The following LMTK2 variants were observed in gnomAD, a reference collection of about 807,000 sequenced individuals.
LMTK2 encodes lemur tail kinase 2.
A neutral mutation model predicts 127.5 loss-of-function variants in LMTK2; 37 were observed. The ratio of observed to expected loss-of-function variants is 0.29; its 90% CI spans 0.22 to 0.38. The LOEUF (loss-of-function observed/expected upper bound fraction) is 0.38. Among genes scored for constraint, LMTK2 ranks in the 10% least tolerant of loss-of-function variants. The probability of loss-of-function intolerance (pLI) is 1.00; values close to 1 mark genes in which losing one functional copy is unlikely to be tolerated. For missense variants in LMTK2, 1,694 were observed against 1,920.3 expected, an observed-to-expected ratio of 0.88 and a Z score of 2.20; for synonymous variants, 819 against 810.1, an observed-to-expected ratio of 1.01 and a Z score of -0.19.
intron 11 of LMTK2, 94 bp from the exon 12 acceptor site, chr7:98,203,480 A>G: frequency 6.9e-7 from 1 of 1,449,730 alleles, no homozygotes; most frequent in Non-Finnish European, 9.2e-7. Flanking sequence ...TTCTCAGTCG[A>G]TGAGTCTGAT....
At chr7:98,200,466 C>T (rs867177186) in intron 11 of LMTK2, among the ~76,000 whole-genome samples, 45 of 152,284 alleles carry the variant, frequency 3.0e-4, no homozygotes, top group Middle Eastern at 3.4e-3. Flanking sequence ...ACAGTATTCT[C>T]GGGATGTAGA....
At chr7:98,172,174 A>T (rs2116425855) in intron 7 of LMTK2, among the ~76,000 whole-genome samples, 1 of 152,294 alleles carries the variant, frequency 6.6e-6, no homozygotes. Flanking sequence ...CAGAGGTGTC[A>T]TGGGATCCGA....
chr7:98,144,703 G>A (rs1796744647), intron 3 of LMTK2, among the ~76,000 whole-genome samples: 1 of 150,560 alleles, frequency 6.6e-6, no homozygotes, highest in African/African-American at 2.4e-5. Flanking sequence ...GGTAAGTACA[G>A]ACATATCTAT....
chr7:98,147,653 TCCTTG>T (rs1288881208), intron 3 of LMTK2, among the ~76,000 whole-genome samples: 2 of 152,238 alleles, frequency 1.3e-5, no homozygotes, highest in Admixed American at 1.3e-4. Context: ...TCCCACAAGT[TCCTTG>T]GGCTCTGTTC....
intron 1 of LMTK2, among the ~76,000 whole-genome samples, chr7:98,129,239 C>T (rs1338397351): frequency 6.6e-6 from 1 of 151,936 alleles, no homozygotes; most frequent in Non-Finnish European, 1.5e-5. Flanking sequence ...CTCATGCCAC[C>T]ACGCCCGGCT....
At position 98,191,653 on chromosome 7, in the gene LMTK2, G is replaced by A; in HGVS notation, c.1188G>A (p.Lys396=). Residue 396 remains lysine, a synonymous_variant, in exon 11 of 14, where the codon AAG becomes AAA. Transcript: ENST00000297293. ...AGTTCTGTTGGCTGTCACCAGAAAA[G>A]AGACCCGCGGCTGAAGATGTGCACA... ...VLQFCWLSPE[K]RPAAEDVHRL... is the part of the protein sequence containing the mutation. 1 of 1,612,710 alleles carries A rather than the reference G, an allele frequency of 6.2e-7. No individual in the cohort carries two copies.
intron 11 of LMTK2, among the ~76,000 whole-genome samples, chr7:98,199,626 C>G (rs1797678663): frequency 6.6e-6 from 1 of 152,200 alleles, no homozygotes; most frequent in Non-Finnish European, 1.5e-5. Context: ...CCACAAGTAA[C>G]TGGGACTACG....
intron 1 of LMTK2, among the ~76,000 whole-genome samples, chr7:98,132,131 A>G (rs1032609158): frequency 6.6e-6 from 1 of 152,242 alleles, no homozygotes; most frequent in African/African-American, 2.4e-5. Flanking sequence ...TGGGAGTGTC[A>G]ATCAGAACAA....
At chr7:98,159,871 C>T (rs1045803248) in intron 6 of LMTK2, among the ~76,000 whole-genome samples, 5 of 152,222 alleles carry the variant, frequency 3.3e-5, no homozygotes, top group African/African-American at 9.6e-5. Flanking sequence ...ACTCCTCATC[C>T]GTCAGCATCT....
rs948400924 is a variant in LMTK2 at position 98,194,077 on chromosome 7, G to A, written c.3612G>A (p.Val1204=). The A allele has an allele frequency of 2.5e-6, 4 of 1,614,120 alleles. No homozygotes were observed. Among genetic ancestry groups the A allele is most frequent in the Non-Finnish European group, 3.4e-6 (4 of 1,180,046 alleles). The part of the protein sequence containing the change: ...TEDEASSPWS[V]LNAELSSGDD... ...ACGAGGCCAGCAGTCCCTGGAGTGT[G>A]CTGAATGCAGAACTTAGCAGCGGCG... The change falls in exon 11 of 14, where the codon GTG becomes GTA. Residue 1204 remains valine (V), a synonymous_variant. Transcript: ENST00000297293. This position sits in a 1 kb window ranked among gnomAD's most constrained non-coding sequence, Gnocchi z 5.4.
chr7:98,162,500 G>A (rs1364126489), intron 6 of LMTK2, among the ~76,000 whole-genome samples: 1 of 152,106 alleles, frequency 6.6e-6, no homozygotes. Flanking sequence ...TGAATATTAT[G>A]CATACAGCCT....
chr7:98,121,536 G>A (rs1796361017), intron 1 of LMTK2, among the ~76,000 whole-genome samples: 1 of 151,992 alleles, frequency 6.6e-6, no homozygotes, highest in Non-Finnish European at 1.5e-5. Context: ...GGGAGGCTGA[G>A]GCAGAGGAAT....
intron 11 of LMTK2, among the ~76,000 whole-genome samples, chr7:98,202,047 C>T (rs1043292969): frequency 7.2e-5 from 11 of 152,186 alleles, no homozygotes; most frequent in African/African-American, 2.4e-4. Context: ...CTCCTCTCTT[C>T]CTGGGACTCC....
At chr7:98,131,043 C>A (rs752026927) in intron 1 of LMTK2, among the ~76,000 whole-genome samples, 3 of 152,168 alleles carry the variant, frequency 2.0e-5, no homozygotes, top group Non-Finnish European at 4.4e-5. Context: ...TTCCACCCAG[C>A]CTGAATTAGC....
chr7:98,126,777 A>C (rs1273081992), intron 1 of LMTK2: 3 of 152,234 alleles, frequency 2.0e-5, no homozygotes, highest in Non-Finnish European at 4.4e-5. Flanking sequence ...TAGCACTCAA[A>C]TTATATAACC....
At chr7:98,160,309 A>G (rs1796994499) in intron 6 of LMTK2, among the ~76,000 whole-genome samples, 1 of 152,196 alleles carries the variant, frequency 6.6e-6, no homozygotes, top group South Asian at 2.1e-4. Flanking sequence ...AAGCATCGTG[A>G]TTTTTTGTTT....
At chr7:98,184,310 C>A (rs1313464848) in intron 7 of LMTK2, among the ~76,000 whole-genome samples, 1 of 152,104 alleles carries the variant, frequency 6.6e-6, no homozygotes, top group Non-Finnish European at 1.5e-5. Context: ...ACACCAGTTC[C>A]GAGTGTTTTC....
At chr7:98,184,101 A>G (rs1394004694) in intron 7 of LMTK2, among the ~76,000 whole-genome samples, 1 of 152,150 alleles carries the variant, frequency 6.6e-6, no homozygotes, top group Non-Finnish European at 1.5e-5. Flanking sequence ...CAAGCGGGTG[A>G]CTTGCAAGAT....
rs1797569531 is a variant in LMTK2 at position 98,193,500 on chromosome 7, CT to C, written c.3038del (p.Leu1013Ter). 1.2e-6 allele frequency: 2 copies of C among 1,614,168 alleles called. No homozygotes were observed. Among genetic ancestry groups the C allele is most frequent in the Non-Finnish European group, 8.5e-7 (1 of 1,180,028 alleles). Reference protein sequence around the residue: ...SVDVHEALLDSLGSHTPQKLV... With the variant: ...SVDVHEALLDXLGSHTPQKLV... Reference sequence around the variant, plus strand: ...GATGTCCACGAAGCGCTACTGGACTCTTTAGGATCTCACACTCCCCAGAAAC... The same window carrying C: ...GATGTCCACGAAGCGCTACTGGACTCTTAGGATCTCACACTCCCCAGAAAC... On this transcript the variant is annotated frameshift_variant, in exon 11 of 14. Transcript: ENST00000297293. LOFTEE classifies it high-confidence loss of function. The surrounding 1 kb of genome is among the most constrained non-coding windows in gnomAD (Gnocchi z 4.1).
Sources: gnomAD v4.1 joint callset for allele counts (sites outside exome capture counted in the v4.1 genomes callset) on GRCh38, gnomAD v4.1.1 for gene constraint, Gnocchi (gnomAD v3.1) non-coding constraint, MANE v1.5 for transcripts, NCBI Gene and HGNC (gene_info 2026-07-23, HGNC 2026-07-21) for gene names.